Variants in KCNMA1 observed in about 807,000 individuals in gnomAD.
KCNMA1 encodes potassium calcium-activated channel subfamily M alpha 1.
In KCNMA1, 29 loss-of-function variants were observed where a neutral mutation model predicts 140.0. The ratio of observed to expected loss-of-function variants is 0.21; its 90% CI spans 0.15 to 0.28. The LOEUF (loss-of-function observed/expected upper bound fraction) is 0.28, where lower values mean the gene tolerates loss of function less well. KCNMA1 is among the 10% of genes least tolerant of loss of function. The pLI, the probability that KCNMA1 is intolerant of heterozygous loss-of-function variation, is 1.00. For synonymous variants in KCNMA1, 612 were observed against 611.9 expected (o/e 1.00, Z 0.00); for missense variants, 880 against 1,602.2 (o/e 0.55, Z 7.70).
rs890134315 is a variant in KCNMA1, at chr10:77,254,116, T to C, written c.541-2860A>G. ...TACATTTTAGTCTGCATGGTAATGG[T>C]ATTATTATAGAGCACCCCAAATAGT... On this transcript the variant is annotated intron_variant, in intron 2 of 27. Transcript: ENST00000286628. 2.6e-5 allele frequency among the ~76,000 whole-genome samples: 4 copies of C among 152,062 alleles called. No homozygotes were observed. In the East Asian group the frequency reaches 7.7e-4, roughly 29 times the overall value.
intron 2 of KCNMA1, among the ~76,000 whole-genome samples, chr10:77,255,585 G>T (rs983174685): frequency 6.6e-6 from 1 of 150,988 alleles, no homozygotes; most frequent in Non-Finnish European, 1.5e-5. Flanking sequence ...GGACAACGAA[G>T]TGAGACTCTG....
chr10:76,937,799 C>A (rs751910133), intron 23 of KCNMA1, among the ~76,000 whole-genome samples: 3 of 152,062 alleles, frequency 2.0e-5, no homozygotes, highest in Non-Finnish European at 4.4e-5. Context: ...AGGCTCTTAA[C>A]CTTTGTTGAA....
chr10:77,424,540 T>C (rs947803064), intron 1 of KCNMA1, among the ~76,000 whole-genome samples: 1 of 145,792 alleles, frequency 6.9e-6, no homozygotes, highest in African/African-American at 2.6e-5. Context: ...ATTCAACAAT[T>C]CACCTGGGCA....
chr10:77,604,385 A>G (rs1398761143), intron 1 of KCNMA1, among the ~76,000 whole-genome samples: 1 of 152,220 alleles, frequency 6.6e-6, no homozygotes, highest in Admixed American at 6.5e-5. Context: ...AAAAACAATC[A>G]GCAGGCATGA....
At chr10:77,547,209 A>G (rs546618473) in intron 1 of KCNMA1, among the ~76,000 whole-genome samples, 21 of 152,292 alleles carry the variant, frequency 1.4e-4, no homozygotes, top group Non-Finnish European at 2.1e-4. Context: ...TGAGCTACGA[A>G]AATTTCCTTC....
At chr10:77,290,485 T>G (rs521773) in intron 2 of KCNMA1, among the ~76,000 whole-genome samples, 1 of 152,106 alleles carries the variant, frequency 6.6e-6, no homozygotes, top group African/African-American at 2.4e-5. Context: ...GTGCCCTTCG[T>G]ACTCCACTTT....
intron 19 of KCNMA1, among the ~76,000 whole-genome samples, chr10:76,995,105 G>T (rs1170206053): frequency 6.6e-6 from 1 of 152,152 alleles, no homozygotes; most frequent in Non-Finnish European, 1.5e-5. Context: ...AATCAACTCA[G>T]GGGGCGATCC....
intron 1 of KCNMA1, among the ~76,000 whole-genome samples, chr10:77,537,222 A>G (rs941347020): frequency 2.0e-5 from 3 of 152,008 alleles, no homozygotes; most frequent in Admixed American, 6.6e-5. Context: ...CTTCTGCTCC[A>G]TTGCTTCCCC....
intron 1 of KCNMA1, among the ~76,000 whole-genome samples, chr10:77,427,728 T>C (rs971014343): frequency 2.9e-4 from 41 of 143,386 alleles, no homozygotes; most frequent in Middle Eastern, 3.7e-3. Flanking sequence ...TTCATTTATT[T>C]ATTTATTTAT....
chr10:77,044,270 A>T (rs2153599974), intron 14 of KCNMA1, among the ~76,000 whole-genome samples: 1 of 152,224 alleles, frequency 6.6e-6, no homozygotes, highest in African/African-American at 2.4e-5. Flanking sequence ...CTAAGTCTCG[A>T]GTGTGGTATC....
intron 16 of KCNMA1, among the ~76,000 whole-genome samples, chr10:77,024,485 A>T (rs2093203173): frequency 6.6e-6 from 1 of 152,180 alleles, no homozygotes; most frequent in Admixed American, 6.6e-5. Context: ...ACAAGTAGGC[A>T]TCTCAACAGT....
rs776841605 is a variant in KCNMA1 at position 77,027,826 on chromosome 10, C to T, written c.1925G>A (p.Ser642Asn). 4 of 1,613,878 alleles carry T rather than the reference C, an allele frequency of 2.5e-6. No homozygotes were observed. The highest frequency in any genetic ancestry group is 3.4e-6 in the Non-Finnish European group (4 of 1,179,842). The change falls in exon 16 of 28, where the codon AGC (serine) becomes AAC (asparagine). Residue 642 changes from serine to asparagine, a missense_variant. By Grantham distance (46) the Ser-to-Asn change is conservative (BLOSUM62 1). This residue lies in a region of KCNMA1 where 196 missense variants were observed against 233.0 expected (regional missense o/e 0.84). Transcript: ENST00000286628. ...AIEYKSANRE[S>N]RILINPGNHL... is the part of the protein sequence containing the mutation. The stretch of plus-strand genomic sequence containing the variant: ...TGCTGGGTCACCGCAAACTTACCGG[C>T]TCTCTCGGTTGGCAGACTTGTACTC...
At chr10:76,917,916 G>A (rs1163884370) in intron 23 of KCNMA1, among the ~76,000 whole-genome samples, 1 of 152,166 alleles carries the variant, frequency 6.6e-6, no homozygotes, top group Non-Finnish European at 1.5e-5. Context: ...AATGGCTTTG[G>A]AGAGAAGAGA....
intron 6 of KCNMA1, among the ~76,000 whole-genome samples, chr10:77,114,134 GC>G (rs2097393016): frequency 6.6e-6 from 1 of 152,150 alleles, no homozygotes; most frequent in Non-Finnish European, 1.5e-5. Context: ...CTTGAGTGAG[GC>G]CCCGAGACTG....
intron 14 of KCNMA1, among the ~76,000 whole-genome samples, chr10:77,059,729 T>C (rs2095668247): frequency 6.6e-6 from 1 of 152,138 alleles, no homozygotes; most frequent in African/African-American, 2.4e-5. Context: ...GAAAGGTATC[T>C]ACAAAACATC....
chr10:77,386,830 T>C (rs117489232), intron 2 of KCNMA1, among the ~76,000 whole-genome samples: 4,101 of 152,286 alleles, frequency 0.027, 68 homozygotes, highest in Non-Finnish European at 0.039. Context: ...AGGCAAAATG[T>C]ATTTATCTCT....
chr10:77,479,582 A>G (rs758490778), intron 1 of KCNMA1, among the ~76,000 whole-genome samples: 5 of 152,110 alleles, frequency 3.3e-5, no homozygotes, highest in Non-Finnish European at 7.4e-5. Context: ...ACATTGTCTC[A>G]TTAAATCCTC....
rs74139846 is a variant in KCNMA1 at position 76,886,632 on chromosome 10, G to C, written c.*634C>G. On this transcript the variant is annotated 3_prime_UTR_variant, in exon 28 of 28. Coordinates refer to ENST00000286628, the MANE Select transcript of KCNMA1 (RefSeq NM_001161352.2). The stretch of plus-strand genomic sequence containing the variant: ...AACTGGCTCTGGGACAAAAGGCCTT[G>C]GTGAGTAACTAAAAAAATCACTGAT... 1.7e-3 allele frequency: 1,639 copies of C among 991,380 alleles called. 14 individuals carry two copies. In the African/African-American group the frequency reaches 0.024, roughly 15 times the overall value. The allele number at this position is 991,380 out of a possible 1,614,324, so 61.4% of individuals were successfully genotyped here.
intron 5 of KCNMA1, among the ~76,000 whole-genome samples, chr10:77,162,297 C>T (rs2098566426): frequency 6.6e-6 from 1 of 152,116 alleles, no homozygotes; most frequent in Admixed American, 6.6e-5. Flanking sequence ...TGTTTAAGGC[C>T]GTTTGCCTTG....
Sources: gnomAD v4.1 joint callset for allele counts (sites outside exome capture counted in the v4.1 genomes callset) on GRCh38, gnomAD v4.1.1 for gene constraint, gnomAD v4.1.1 regional missense constraint, MANE v1.5 for transcripts, NCBI Gene and HGNC (gene_info 2026-07-23, HGNC 2026-07-21) for gene names.